The following NCMAP variants were observed in gnomAD, a reference collection of about 807,000 sequenced individuals.
NCMAP encodes the protein noncompact myelin-associated protein.
Under a neutral mutation model 7.8 loss-of-function variants are expected in NCMAP, and 8 were observed. The observed-to-expected ratio is 1.02, with a 90% CI of 0.60 to 1.84. The LOEUF (loss-of-function observed/expected upper bound fraction) is 1.84, where lower values mean the gene tolerates loss of function less well. Ranked by LOEUF, NCMAP falls within the 40% of genes most tolerant of loss-of-function variation. NCMAP has a pLI of 0.00. For missense variants in NCMAP, 112 were observed against 131.4 expected (o/e 0.85, Z 0.72); for synonymous variants, 41 against 52.9 (o/e 0.78, Z 0.98).
chr1:24,583,299 C>A (rs745910757), intron 1 of NCMAP, among the ~76,000 whole-genome samples: 5 of 152,028 alleles, frequency 3.3e-5, no homozygotes, highest in Non-Finnish European at 7.4e-5. Flanking sequence ...ACAGGACAGC[C>A]CCTCACACCA....
intron 1 of NCMAP, among the ~76,000 whole-genome samples, chr1:24,586,300 G>T (rs151249661): frequency 1.3e-5 from 2 of 152,186 alleles, no homozygotes; most frequent in East Asian, 3.9e-4. Flanking sequence ...CTCTCCTGAG[G>T]GTCCAAATCA....
chr1:24,592,423 T>G (rs1389794745), intron 1 of NCMAP, among the ~76,000 whole-genome samples: 1 of 152,170 alleles, frequency 6.6e-6, no homozygotes. Context: ...ATTTAATAGA[T>G]GTGTTTCATA....
At chr1:24,605,435 G>A (rs74062036) in intron 3 of NCMAP, among the ~76,000 whole-genome samples, 171 bp from the exon 4 acceptor site, 33 of 152,276 alleles carry the variant, frequency 2.2e-4, no homozygotes, top group African/African-American at 6.5e-4. Context: ...CAGACTAGCT[G>A]ATGCCTAAGG....
chr1:24,601,935 G>A (rs371888701), intron 3 of NCMAP, among the ~76,000 whole-genome samples: 20 of 152,184 alleles, frequency 1.3e-4, no homozygotes, highest in African/African-American at 4.8e-4. Context: ...CAGCTACTCG[G>A]GAGGCTGAGG....
chr1:24,590,261 T>G (rs183445461), intron 1 of NCMAP, among the ~76,000 whole-genome samples: 137 of 152,318 alleles, frequency 9.0e-4, no homozygotes, highest in African/African-American at 3.2e-3. Context: ...GTGGCTTCTG[T>G]CATTTTTGTG....
At chr1:24,562,196 A>G (rs982661505) in intron 1 of NCMAP, among the ~76,000 whole-genome samples, 1 of 152,214 alleles carries the variant, frequency 6.6e-6, no homozygotes, top group Admixed American at 6.5e-5. Flanking sequence ...CCAAGTTCCT[A>G]CCTAATTCCC....
At chr1:24,557,288 T>TATGG (rs1272177699) in intron 1 of NCMAP, among the ~76,000 whole-genome samples, 1 of 152,066 alleles carries the variant, frequency 6.6e-6, no homozygotes, top group East Asian at 1.9e-4. Flanking sequence ...AAGAGGTGGG[T>TATGG]ATGGATACTA....
intron 1 of NCMAP, among the ~76,000 whole-genome samples, chr1:24,592,122 G>A (rs1483452646): frequency 6.6e-6 from 1 of 152,256 alleles, no homozygotes; most frequent in Non-Finnish European, 1.5e-5. Flanking sequence ...AATATGATGG[G>A]GGAAGAGGGA....
intron 2 of NCMAP, among the ~76,000 whole-genome samples, chr1:24,595,794 CTTTTT>C (rs34640170): frequency 0.21 from 24,771 of 119,390 alleles, 2,279 homozygotes; most frequent in East Asian, 0.24. Flanking sequence ...TGGACTGTGT[CTTTTT>C]TTTTTTTTTT....
intron 1 of NCMAP, among the ~76,000 whole-genome samples, chr1:24,560,508 G>A (rs755017476): frequency 2.0e-5 from 3 of 152,224 alleles, no homozygotes; most frequent in African/African-American, 7.2e-5. Flanking sequence ...GTTGGCTCAC[G>A]CCAAGGCAGG....
At chr1:24,596,322 A>G (rs1652223645) in intron 2 of NCMAP, among the ~76,000 whole-genome samples, 1 of 152,150 alleles carries the variant, frequency 6.6e-6, no homozygotes, top group Admixed American at 6.5e-5. Flanking sequence ...TTCGTTAAAA[A>G]GTCTTGGGAC....
intron 2 of NCMAP, among the ~76,000 whole-genome samples, chr1:24,599,100 T>C (rs1046026162): frequency 6.7e-6 from 1 of 148,234 alleles, no homozygotes; most frequent in Non-Finnish European, 1.5e-5. Flanking sequence ...GCCAACATGG[T>C]GAAACCCCGT....
chr1:24,595,065 G>T (rs1450639273), intron 1 of NCMAP, among the ~76,000 whole-genome samples: 1 of 152,144 alleles, frequency 6.6e-6, no homozygotes, highest in Admixed American at 6.5e-5. Context: ...GTTAAATTCT[G>T]TTAGGTCAAC....
At chr1:24,575,774 C>G (rs575961082) in intron 1 of NCMAP, among the ~76,000 whole-genome samples, 1 of 151,788 alleles carries the variant, frequency 6.6e-6, no homozygotes, top group Admixed American at 6.6e-5. Context: ...GGTGAAACCC[C>G]GTCTCTGCTA....
rs965078897 is a variant in NCMAP, at chr1:24,576,406, C to T, written c.-7-19018C>T. ...CAGCTCACACCGTGGGCAGCTTGAA[C>T]GGCTGGGATTGTTTCCCCAACTCCT... On this transcript the variant is annotated intron_variant, in intron 1 of 3. Coordinates refer to ENST00000374392, the MANE Select transcript of NCMAP (RefSeq NM_001010980.5). This position sits in a 1 kb window ranked among gnomAD's most constrained non-coding sequence, Gnocchi z 4.0. 2.6e-5 allele frequency among the ~76,000 whole-genome samples: 4 copies of T among 152,210 alleles called. No homozygotes were observed. Among genetic ancestry groups the T allele is most frequent in the African/African-American group, 7.2e-5 (3 of 41,456 alleles).
intron 1 of NCMAP, among the ~76,000 whole-genome samples, chr1:24,586,080 C>A (rs894121074): frequency 1.3e-5 from 2 of 152,192 alleles, no homozygotes; most frequent in African/African-American, 4.8e-5. Flanking sequence ...ATTATGGTAT[C>A]TCATTTATTC....
chr1:24,585,948 T>G (rs1651868047), intron 1 of NCMAP, among the ~76,000 whole-genome samples: 1 of 152,116 alleles, frequency 6.6e-6, no homozygotes, highest in African/African-American at 2.4e-5. Flanking sequence ...GCCCAAAACT[T>G]GACCAGACAG....
At chr1:24,601,275 T>C (rs753266077) in intron 3 of NCMAP, among the ~76,000 whole-genome samples, 2 of 152,170 alleles carry the variant, frequency 1.3e-5, no homozygotes, top group African/African-American at 2.4e-5. Context: ...TCTTGAGCAC[T>C]GTGGTAAACA....
rs568341891 is a variant in NCMAP, at chr1:24,576,032, C to T, written c.-7-19392C>T. Among the ~76,000 whole-genome samples, 37 of 152,136 alleles carry T rather than the reference C, an allele frequency of 2.4e-4. 4 individuals carry two copies. Among genetic ancestry groups the T allele is most frequent in the Admixed American group, 1.9e-3 (29 of 15,272 alleles). On this transcript the variant is annotated intron_variant, in intron 1 of 3. Coordinates refer to ENST00000374392, the MANE Select transcript of NCMAP (RefSeq NM_001010980.5). The surrounding 1 kb of genome is among the most constrained non-coding windows in gnomAD (Gnocchi z 4.0). ...AAGGAGTCAGAACTAGCTCCCTCAT[C>T]CTGATCCTCTCTGCACAGCCGCATT... is the stretch of plus-strand genomic sequence containing the variant.
Sources: allele counts gnomAD v4.1 joint callset (sites outside exome capture counted in the v4.1 genomes callset), GRCh38; gene constraint gnomAD v4.1.1; non-coding constraint Gnocchi (gnomAD v3.1); transcripts MANE v1.5; gene names NCBI Gene and HGNC (gene_info 2026-07-23, HGNC 2026-07-21).